Variants in PTPRG observed in about 807,000 individuals in gnomAD.
The protein encoded by PTPRG is receptor-type tyrosine-protein phosphatase gamma.
In PTPRG, 102 loss-of-function variants were observed where a neutral mutation model predicts 165.3. The ratio of observed to expected loss-of-function variants is 0.62; its 90% CI spans 0.53 to 0.73. The LOEUF (loss-of-function observed/expected upper bound fraction) is 0.73. PTPRG is among the 30% of genes least tolerant of loss of function. The pLI is 0.00. For missense variants in PTPRG, 1,866 were observed against 1,861.4 expected (o/e 1.00, Z -0.05); for synonymous variants, 675 against 669.5 (o/e 1.01, Z -0.13).
chr3:62,078,124 G>A, intron 4 of PTPRG, 39 bp from the exon 5 acceptor site: 1 of 1,377,564 alleles, frequency 7.3e-7, no homozygotes, highest in Non-Finnish European at 1.0e-6. Context: ...ATTTATGTTT[G>A]AAAATTTTCC....
intron 1 of PTPRG, among the ~76,000 whole-genome samples, chr3:61,610,758 C>CCTCCCTCT (rs1701141597): frequency 8.0e-6 from 1 of 125,320 alleles, no homozygotes; most frequent in African/African-American, 3.1e-5. Context: ...TGCCTCCCTC[C>CCTCCCTCT]CTCCCTCCCT....
intron 7 of PTPRG, among the ~76,000 whole-genome samples, chr3:62,166,940 C>T (rs1705010756): frequency 6.6e-6 from 1 of 152,098 alleles, no homozygotes; most frequent in South Asian, 2.1e-4. Flanking sequence ...ACCTCAGCCT[C>T]CCAAAGTGCT....
rs1220033840 is a variant in PTPRG at position 62,195,641 on chromosome 3, TA to T, written c.1327+472del. Among the ~76,000 whole-genome samples the T allele has an allele frequency of 6.6e-6, 1 of 152,154 alleles. No individual in the cohort carries two copies. Among genetic ancestry groups the T allele is most frequent in the Non-Finnish European group, 1.5e-5 (1 of 68,024 alleles). ...GCAGGATCCTTGAGATTCCTGGATC[TA>T]GATAGATGGTCCTGATGACTTAGGG... On this transcript the variant is annotated intron_variant, in intron 10 of 29. Transcript: ENST00000474889. This position sits in a 1 kb window ranked among gnomAD's most constrained non-coding sequence, Gnocchi z 4.4.
intron 2 of PTPRG, among the ~76,000 whole-genome samples, chr3:61,809,661 C>T (rs902926645): frequency 2.6e-5 from 4 of 151,978 alleles, no homozygotes; most frequent in Non-Finnish European, 5.9e-5. Context: ...TTATCTGGCA[C>T]GTTGTAAGCT....
At chr3:61,707,343 G>T (rs1392284316) in intron 1 of PTPRG, among the ~76,000 whole-genome samples, 3 of 152,192 alleles carry the variant, frequency 2.0e-5, no homozygotes, top group Non-Finnish European at 4.4e-5. Context: ...TTGGCTCATC[G>T]GATTATGGGG....
At chr3:61,572,101 T>G (rs73094710) in intron 1 of PTPRG, among the ~76,000 whole-genome samples, 12,517 of 152,242 alleles carry the variant, frequency 0.082, 597 homozygotes, top group Middle Eastern at 0.12. Context: ...CTTGTTGACT[T>G]TTTCCTGTGA....
intron 16 of PTPRG, among the ~76,000 whole-genome samples, chr3:62,257,356 T>C (rs1298324742): frequency 1.3e-5 from 2 of 152,118 alleles, no homozygotes; most frequent in Non-Finnish European, 2.9e-5. Flanking sequence ...GAAAAAGATT[T>C]TGTGTAATTA....
At chr3:61,926,819 G>A (rs2039225372) in intron 2 of PTPRG, among the ~76,000 whole-genome samples, 1 of 151,752 alleles carries the variant, frequency 6.6e-6, no homozygotes, top group South Asian at 2.1e-4. Flanking sequence ...ATTATTTAGA[G>A]GATCCTCTTT....
intron 4 of PTPRG, among the ~76,000 whole-genome samples, chr3:62,065,465 G>C (rs956793930): frequency 6.6e-6 from 1 of 152,166 alleles, no homozygotes; most frequent in Non-Finnish European, 1.5e-5. Context: ...TACCACCTTT[G>C]GCAGTCTTTC....
intron 2 of PTPRG, among the ~76,000 whole-genome samples, chr3:61,935,256 G>C (rs191680449): frequency 1.3e-5 from 2 of 152,286 alleles, no homozygotes; most frequent in Admixed American, 1.3e-4. Flanking sequence ...TTCTTTAAAA[G>C]TGTGATCTAC....
intron 28 of PTPRG, among the ~76,000 whole-genome samples, chr3:62,285,964 G>A (rs530738397): frequency 3.3e-5 from 5 of 152,288 alleles, no homozygotes; most frequent in Admixed American, 2.6e-4. Flanking sequence ...TCTGTCATGA[G>A]TGGACAATTA....
chr3:61,918,729 G>A (rs1278944338), intron 2 of PTPRG, among the ~76,000 whole-genome samples: 1 of 152,224 alleles, frequency 6.6e-6, no homozygotes, highest in Admixed American at 6.5e-5. Flanking sequence ...GTGGACTGGG[G>A]AGCGGTGATG....
chr3:61,858,113 A>C (rs539777201), intron 2 of PTPRG, among the ~76,000 whole-genome samples: 2 of 152,208 alleles, frequency 1.3e-5, no homozygotes, highest in East Asian at 3.8e-4. Context: ...GCCCATTTGT[A>C]TTGTGGGCGT....
Position 61,883,719 on chromosome 3 carries a change from G to C in PTPRG, c.191-105906G>C, listed in dbSNP as rs571285693. ...AAAGTCGCTCTTTTTTTGGAAGGCAGGGTGGAGTGGGGCCAGGTCTCACTC... is the reference window on the plus strand; with the variant it reads ...AAAGTCGCTCTTTTTTTGGAAGGCACGGTGGAGTGGGGCCAGGTCTCACTC... On this transcript the variant is annotated intron_variant, in intron 2 of 29. Transcript: ENST00000474889. Among the ~76,000 whole-genome samples the C allele has an allele frequency of 5.3e-5, 8 of 152,152 alleles. No individual in the cohort carries two copies. The East Asian group carries it at 1.5e-3, about 29-fold the overall frequency.
intron 1 of PTPRG, among the ~76,000 whole-genome samples, chr3:61,684,527 A>T (rs560196549): frequency 3.9e-5 from 6 of 152,270 alleles, no homozygotes; most frequent in African/African-American, 1.4e-4. Flanking sequence ...CCAAGCCCAG[A>T]GGGGCTCTGT....
intron 13 of PTPRG, among the ~76,000 whole-genome samples, chr3:62,220,326 G>C (rs1310641009): frequency 6.6e-6 from 1 of 152,240 alleles, no homozygotes; most frequent in Non-Finnish European, 1.5e-5. Context: ...AGATTACTTG[G>C]CTGCTGTGTT....
chr3:62,120,431 G>A (rs559159685), intron 5 of PTPRG, among the ~76,000 whole-genome samples: 2 of 152,110 alleles, frequency 1.3e-5, no homozygotes, highest in Admixed American at 6.6e-5. Context: ...TCTGCTGGAT[G>A]GAAAAATGTT....
At chr3:61,748,085 AT>A (rs1431351011) in intron 1 of PTPRG, among the ~76,000 whole-genome samples, 1 of 152,180 alleles carries the variant, frequency 6.6e-6, no homozygotes, top group Non-Finnish European at 1.5e-5. Flanking sequence ...GATTGAAATG[AT>A]TTTGAGATTT....
intron 4 of PTPRG, among the ~76,000 whole-genome samples, chr3:62,047,246 ATTATTTAT>A (rs10523312): frequency 4.8e-5 from 3 of 62,990 alleles, no homozygotes; most frequent in African/African-American, 1.0e-4. Flanking sequence ...TGAGCTTCCT[ATTATTTAT>A]TTATTTATTT....
Sources: gnomAD v4.1 joint callset for allele counts (sites outside exome capture counted in the v4.1 genomes callset) on GRCh38, gnomAD v4.1.1 for gene constraint, Gnocchi (gnomAD v3.1) non-coding constraint, MANE v1.5 for transcripts, NCBI Gene and HGNC (gene_info 2026-07-23, HGNC 2026-07-21) for gene names.